RANBP17: variants seen among roughly 807,000 people sequenced by gnomAD.
RANBP17 encodes RAN binding protein 17, also known as ran-binding protein 17.
Under a neutral mutation model 141.2 loss-of-function variants are expected in RANBP17, and 158 were observed. That is an observed-to-expected ratio of 1.12 (90% CI 0.98 to 1.28). The LOEUF is 1.28. Among genes scored for constraint, RANBP17 ranks in the 50% most tolerant of loss-of-function variants. The pLI, the probability that RANBP17 is intolerant of heterozygous loss-of-function variation, is 0.00. For synonymous variants in RANBP17, 430 were observed against 450.0 expected (o/e 0.96, Z 0.56); for missense variants, 1,438 against 1,290.7 (o/e 1.11, Z -1.75).
intron 3 of RANBP17, among the ~76,000 whole-genome samples, chr5:170,885,523 T>C (rs1416570521): frequency 6.6e-6 from 1 of 152,208 alleles, no homozygotes; most frequent in East Asian, 1.9e-4. Context: ...AAGCCTCTTA[T>C]AATCATTCTT....
chr5:171,044,572 T>G (rs1782449476), intron 14 of RANBP17, among the ~76,000 whole-genome samples: 2 of 152,054 alleles, frequency 1.3e-5, no homozygotes. Flanking sequence ...GAATTCCAAA[T>G]TTACTCATAA....
chr5:170,924,020 CAG>C (rs1472948724), intron 11 of RANBP17, among the ~76,000 whole-genome samples: 1 of 149,126 alleles, frequency 6.7e-6, no homozygotes, highest in African/African-American at 2.5e-5. Flanking sequence ...TTTTTAGAGA[CAG>C]AGTCTCGCCC....
At position 170,968,373 on chromosome 5, in the gene RANBP17, C is replaced by G; in HGVS notation, c.1706C>G (p.Ser569Ter). The change falls in exon 14 of 28, where the codon TCA becomes TGA. Residue 569 changes from serine to a stop codon, truncating the protein, a stop_gained. Coordinates refer to ENST00000523189, the MANE Select transcript of RANBP17 (RefSeq NM_022897.5). LOFTEE classifies it high-confidence loss of function. ...TYVGDQLQRT[S>*]KVYARMSEVL... Reference sequence around the variant, plus strand: ...GTTGGTGATCAACTTCAAAGAACCTCAAAGGTAGGTTTCTACTAGAGAGTT... The same window carrying G: ...GTTGGTGATCAACTTCAAAGAACCTGAAAGGTAGGTTTCTACTAGAGAGTT... The G allele has an allele frequency of 6.2e-7, 1 of 1,603,284 alleles. No individual in the cohort carries two copies. Among genetic ancestry groups the G allele is most frequent in the Non-Finnish European group, 8.5e-7 (1 of 1,175,974 alleles).
chr5:171,292,823 A>G (rs1768574923), intron 25 of RANBP17, among the ~76,000 whole-genome samples: 1 of 152,190 alleles, frequency 6.6e-6, no homozygotes, highest in African/African-American at 2.4e-5. Flanking sequence ...CACATTCTAC[A>G]TGTCCCCAAA....
chr5:170,896,690 C>T (rs1378175513), intron 5 of RANBP17, among the ~76,000 whole-genome samples: 5 of 152,076 alleles, frequency 3.3e-5, no homozygotes, highest in Admixed American at 1.3e-4. Context: ...ATTAGATGGG[C>T]GTGGTGATGG....
At chr5:171,298,693 T>G in intron 27 of RANBP17, 69 bp from the exon 28 acceptor site, 1 of 1,281,706 alleles carries the variant, frequency 7.8e-7, no homozygotes, top group Non-Finnish European at 1.1e-6. Flanking sequence ...CAAAATGGCC[T>G]TATCGTCCAG....
At chr5:170,986,282 A>C (rs2127558094) in intron 14 of RANBP17, among the ~76,000 whole-genome samples, 1 of 152,172 alleles carries the variant, frequency 6.6e-6, no homozygotes, top group South Asian at 2.1e-4. Context: ...TCAGTACCTG[A>C]GTAAAAGCCT....
intron 5 of RANBP17, chr5:170,897,356 CTTCT>C (rs2127394590): frequency 2.7e-5 from 14 of 509,436 alleles, no homozygotes; most frequent in South Asian, 2.2e-4. Flanking sequence ...TCTTCTTCTT[CTTCT>C]TTTTTTTTTT....
chr5:171,285,153 C>T (rs1205912894), intron 25 of RANBP17, among the ~76,000 whole-genome samples: 2 of 152,200 alleles, frequency 1.3e-5, no homozygotes, highest in Admixed American at 1.3e-4. Flanking sequence ...CAAATATATA[C>T]TTCTTCCCAG....
At position 171,098,480 on chromosome 5, in the gene RANBP17, C is replaced by T. The variant is rs116100508; in HGVS notation, c.1711-71650C>T. 6.5e-3 allele frequency among the ~76,000 whole-genome samples: 981 copies of T among 151,854 alleles called. 10 individuals carry two copies. The highest frequency in any genetic ancestry group is 0.021 in the African/African-American group (890 of 41,464). On this transcript the variant is annotated intron_variant, in intron 14 of 27. Transcript: ENST00000523189. ...ATATCCTTTGCCCATTTTTTGATAGCGTTGTTCATTTTTTTCTTGTAAATT... is the reference window on the plus strand; with the variant it reads ...ATATCCTTTGCCCATTTTTTGATAGTGTTGTTCATTTTTTTCTTGTAAATT...
chr5:171,246,252 C>G (rs1043488195), intron 24 of RANBP17, among the ~76,000 whole-genome samples: 8 of 152,214 alleles, frequency 5.3e-5, no homozygotes, highest in African/African-American at 1.9e-4. Flanking sequence ...CTGTAGAACT[C>G]TCTTACGTAG....
At chr5:170,922,303 A>T (rs771023759) in intron 11 of RANBP17, among the ~76,000 whole-genome samples, 36 of 152,066 alleles carry the variant, frequency 2.4e-4, no homozygotes, top group Non-Finnish European at 4.6e-4. Flanking sequence ...CCGCTTGAGG[A>T]GGTGGTCTGT....
At chr5:170,998,266 G>T (rs994004470) in intron 14 of RANBP17, among the ~76,000 whole-genome samples, 7 of 151,944 alleles carry the variant, frequency 4.6e-5, no homozygotes, top group African/African-American at 1.7e-4. Context: ...GTAGATTTTT[G>T]AATATAGCAT....
chr5:171,148,375 G>A (rs1758218478), intron 14 of RANBP17, among the ~76,000 whole-genome samples: 1 of 151,190 alleles, frequency 6.6e-6, no homozygotes, highest in Admixed American at 6.6e-5. Context: ...AAACACCCAA[G>A]AATTATCAAT....
chr5:170,994,295 G>A (rs913911524), intron 14 of RANBP17, among the ~76,000 whole-genome samples: 2 of 152,038 alleles, frequency 1.3e-5, no homozygotes, highest in African/African-American at 2.4e-5. Flanking sequence ...GAAAATTAGA[G>A]GTGGTTCTAT....
At chr5:171,079,252 T>A (rs1355673437) in intron 14 of RANBP17, among the ~76,000 whole-genome samples, 1 of 152,212 alleles carries the variant, frequency 6.6e-6, no homozygotes, top group African/African-American at 2.4e-5. Flanking sequence ...TGAATTACTT[T>A]AATCTCATGA....
At chr5:171,024,136 A>G (rs1781075869) in intron 14 of RANBP17, among the ~76,000 whole-genome samples, 1 of 152,186 alleles carries the variant, frequency 6.6e-6, no homozygotes, top group Non-Finnish European at 1.5e-5. Flanking sequence ...TTTGCATTCC[A>G]TTGGAATCAG....
chr5:171,070,102 A>G (rs1160465354), intron 14 of RANBP17, among the ~76,000 whole-genome samples: 11 of 152,182 alleles, frequency 7.2e-5, no homozygotes, highest in Admixed American at 6.5e-4. Context: ...CTTGACAGAA[A>G]AAAATCTAAC....
Position 171,295,887 on chromosome 5 carries a change from T to C in RANBP17, c.3043T>C (p.Tyr1015His). ...CTGACACTATTCTGTCTCCCATCAG[T>C]ATTTCAGTGAACTGAGAGCAAGTTT... ...LLGLILLNEK[Y>H]FSELRASLIN... Residue 1015 changes from tyrosine (Y) to histidine (H), a missense_variant and splice_region_variant, in exon 27 of 28, where the codon TAT (tyrosine) becomes CAT (histidine). Transcript: ENST00000523189. 1 of 1,612,760 alleles carries C rather than the reference T, an allele frequency of 6.2e-7. No homozygotes were observed. Among genetic ancestry groups the C allele is most frequent in the Non-Finnish European group, 8.5e-7 (1 of 1,179,200 alleles).
Sources: allele counts gnomAD v4.1 joint callset (sites outside exome capture counted in the v4.1 genomes callset), GRCh38; gene constraint gnomAD v4.1.1; transcripts MANE v1.5; gene names NCBI Gene and HGNC (gene_info 2026-07-23, HGNC 2026-07-21).